The following MARCHF1 variants were observed in gnomAD, a reference collection of about 807,000 sequenced individuals.
The protein encoded by MARCHF1 is E3 ubiquitin-protein ligase MARCHF1.
A neutral mutation model predicts 54.2 loss-of-function variants in MARCHF1; 40 were observed. The observed-to-expected ratio is 0.74, with a 90% CI of 0.57 to 0.96. MARCHF1 has a LOEUF of 0.96. Among genes scored for constraint, MARCHF1 ranks in the 40% least tolerant of loss-of-function variants. The pLI is 0.00. For synonymous variants in MARCHF1, 236 were observed against 236.3 expected (o/e 1.00, Z 0.01); for missense variants, 586 against 656.5 (o/e 0.89, Z 1.17).
chr4:164,107,648 C>A (rs1163308473), intron 2 of MARCHF1, among the ~76,000 whole-genome samples: 1 of 152,132 alleles, frequency 6.6e-6, no homozygotes, highest in Non-Finnish European at 1.5e-5. Context: ...TAGGCATGAG[C>A]CACCATGCCT....
At chr4:164,233,117 G>T (rs991886142) in intron 1 of MARCHF1, among the ~76,000 whole-genome samples, 3 of 151,972 alleles carry the variant, frequency 2.0e-5, no homozygotes, top group Non-Finnish European at 4.4e-5. Flanking sequence ...TATAACACAG[G>T]ATTTGGTAAT....
At chr4:164,096,225 A>G (rs1045456051) in intron 2 of MARCHF1, among the ~76,000 whole-genome samples, 10 of 152,216 alleles carry the variant, frequency 6.6e-5, no homozygotes, top group Admixed American at 1.3e-4. Context: ...ATTATGGAAT[A>G]CTATGCAGCC....
chr4:163,762,198 A>G (rs1202836065), intron 4 of MARCHF1, among the ~76,000 whole-genome samples: 2 of 152,130 alleles, frequency 1.3e-5, no homozygotes, highest in Non-Finnish European at 2.9e-5. Flanking sequence ...ACTTTAAATT[A>G]TTCACATATT....
chr4:164,246,704 C>T lies in MARCHF1; in HGVS notation c.-322-135042G>A, dbSNP rs1440095640. Among the ~76,000 whole-genome samples the T allele has an allele frequency of 3.8e-5, 3 of 78,802 alleles. 1 individual carries two copies. The highest frequency in any genetic ancestry group is 8.1e-5 in the Non-Finnish European group (3 of 37,140). 51.7% of individuals were successfully genotyped at this position (78,802 alleles called of 152,430 possible). On this transcript the variant is annotated intron_variant, in intron 1 of 9. Transcript: ENST00000514618. ...AATGGGAGAAAATTTTCACAACCTA[C>T]TCATCTGACAAAGGGCTAATATCCA...
chr4:163,629,128 G>A (rs576493656), intron 5 of MARCHF1, among the ~76,000 whole-genome samples: 83 of 152,224 alleles, frequency 5.5e-4, no homozygotes, highest in Non-Finnish European at 9.7e-4. Flanking sequence ...AACAAAGCTG[G>A]AGGCATCATG....
intron 1 of MARCHF1, among the ~76,000 whole-genome samples, chr4:164,369,489 A>G (rs1730973381): frequency 6.6e-6 from 1 of 152,194 alleles, no homozygotes; most frequent in African/African-American, 2.4e-5. Flanking sequence ...TTTCTTATAC[A>G]GAATATGAAA....
intron 2 of MARCHF1, among the ~76,000 whole-genome samples, chr4:163,996,605 C>T (rs1284512485): frequency 1.3e-5 from 2 of 152,006 alleles, no homozygotes; most frequent in Admixed American, 1.3e-4. Context: ...AAATCTGATT[C>T]AACCTAAAAA....
chr4:164,213,804 T>C (rs1485727746), intron 1 of MARCHF1, among the ~76,000 whole-genome samples: 4 of 151,976 alleles, frequency 2.6e-5, no homozygotes, highest in African/African-American at 9.7e-5. Flanking sequence ...AAATGAACAA[T>C]AAAAATCTTA....
At chr4:163,795,467 C>T (rs980452819) in intron 4 of MARCHF1, among the ~76,000 whole-genome samples, 1 of 152,082 alleles carries the variant, frequency 6.6e-6, no homozygotes, top group African/African-American at 2.4e-5. Flanking sequence ...CAGCCTCAGG[C>T]AATCCACCTG....
intron 1 of MARCHF1, among the ~76,000 whole-genome samples, chr4:164,289,029 T>C (rs1037594340): frequency 6.6e-6 from 1 of 152,086 alleles, no homozygotes; most frequent in Non-Finnish European, 1.5e-5. Context: ...TTGGAACGTT[T>C]CAGATAAAAT....
intron 2 of MARCHF1, among the ~76,000 whole-genome samples, chr4:164,014,072 C>T (rs1346701435): frequency 1.3e-5 from 2 of 151,754 alleles, no homozygotes; most frequent in African/African-American, 4.8e-5. Flanking sequence ...CACCTCTGTA[C>T]TCCCAGCTAC....
intron 1 of MARCHF1, among the ~76,000 whole-genome samples, chr4:164,309,585 A>T (rs76404152): frequency 2.7e-3 from 417 of 152,338 alleles, no homozygotes; most frequent in Non-Finnish European, 4.9e-3. Context: ...TCACTGAAAG[A>T]TGACTTCTAC....
At chr4:164,337,206 G>T (rs539472969) in intron 1 of MARCHF1, among the ~76,000 whole-genome samples, 1 of 152,294 alleles carries the variant, frequency 6.6e-6, no homozygotes, top group South Asian at 2.1e-4. Context: ...CCCTGCAAAA[G>T]TATCAATTTT....
chr4:164,068,016 T>C (rs1754766112), intron 2 of MARCHF1, among the ~76,000 whole-genome samples: 1 of 152,044 alleles, frequency 6.6e-6, no homozygotes, highest in African/African-American at 2.4e-5. Flanking sequence ...AAAACCACAA[T>C]GAAATACCAT....
intron 1 of MARCHF1, among the ~76,000 whole-genome samples, chr4:164,280,218 A>G (rs1226893374): frequency 4.6e-5 from 7 of 151,984 alleles, no homozygotes; most frequent in Non-Finnish European, 8.8e-5. Context: ...TATTGTTCCT[A>G]TTTTAGTAAT....
intron 3 of MARCHF1, among the ~76,000 whole-genome samples, chr4:163,888,649 G>T (rs1358318323): frequency 6.6e-6 from 1 of 152,120 alleles, no homozygotes; most frequent in Non-Finnish European, 1.5e-5. Context: ...GTTTAATGAG[G>T]TTGGAGACTA....
At chr4:164,383,600 C>T (rs1731440437) in intron 1 of MARCHF1, 1 of 152,240 alleles carries the variant, frequency 6.6e-6, no homozygotes, top group African/African-American at 2.4e-5. Context: ...AGCAACTACC[C>T]CAGGCTGCGG....
Position 163,526,359 on chromosome 4 carries a change from T to C in MARCHF1, c.*2389A>G, listed in dbSNP as rs1738104832. Reference sequence around the variant, plus strand: ...CCATGTTAATTAAAGTAAATAATTATTTTACTTTCAGAGCAAACAAAAGAG... The same window carrying C: ...CCATGTTAATTAAAGTAAATAATTACTTTACTTTCAGAGCAAACAAAAGAG... On this transcript the variant is annotated 3_prime_UTR_variant, in exon 10 of 10. Coordinates refer to ENST00000514618, the MANE Select transcript of MARCHF1 (RefSeq NM_001394959.1). 6.6e-6 allele frequency: 1 copy of C among 151,862 alleles called. No homozygotes were observed. The highest frequency in any genetic ancestry group is 6.6e-5 in the Admixed American group (1 of 15,228). 9.4% of individuals were successfully genotyped at this position (151,862 alleles called of 1,614,324 possible).
chr4:163,787,037 G>T (rs774989199), intron 4 of MARCHF1, among the ~76,000 whole-genome samples: 11 of 151,884 alleles, frequency 7.2e-5, no homozygotes, highest in Non-Finnish European at 1.2e-4. Flanking sequence ...TTACAAAAGA[G>T]TGAAGTTGGA....
Sources: allele counts gnomAD v4.1 joint callset (sites outside exome capture counted in the v4.1 genomes callset), GRCh38; gene constraint gnomAD v4.1.1; transcripts MANE v1.5; gene names NCBI Gene and HGNC (gene_info 2026-07-23, HGNC 2026-07-21).